The following FOXN3 variants were observed in gnomAD, a reference collection of about 807,000 sequenced individuals.
The protein encoded by FOXN3 is forkhead box N3.
FOXN3 carries 7 observed loss-of-function variants against 38.4 expected under a neutral mutation model. The observed-to-expected ratio is 0.18, with a 90% CI of 0.10 to 0.34. The LOEUF (loss-of-function observed/expected upper bound fraction) is 0.34, where lower values mean the gene tolerates loss of function less well. Among genes scored for constraint, FOXN3 ranks in the 10% least tolerant of loss-of-function variants. The pLI is 1.00. For missense variants in FOXN3, 456 were observed against 613.4 expected, an observed-to-expected ratio of 0.74 and a Z score of 2.71; for synonymous variants, 230 against 242.2, an observed-to-expected ratio of 0.95 and a Z score of 0.47.
intron 3 of FOXN3, among the ~76,000 whole-genome samples, chr14:89,282,131 T>C (rs1349782069): frequency 6.6e-6 from 1 of 152,002 alleles, no homozygotes; most frequent in Non-Finnish European, 1.5e-5. Flanking sequence ...ACAAATAGTA[T>C]GGCAGGTATA....
chr14:89,606,351 T>C (rs1426112226), intron 1 of FOXN3, among the ~76,000 whole-genome samples: 1 of 151,648 alleles, frequency 6.6e-6, no homozygotes, highest in Non-Finnish European at 1.5e-5. Flanking sequence ...TCTAGTCTTA[T>C]ACAGACTATG....
intron 1 of FOXN3, among the ~76,000 whole-genome samples, chr14:89,554,493 G>A (rs1202235293): frequency 2.0e-5 from 3 of 152,058 alleles, no homozygotes; most frequent in African/African-American, 7.2e-5. Context: ...GGTTATATTT[G>A]TTGTTGTTCA....
chr14:89,417,828 G>C (rs977383270), upstream of FOXN3: 1 of 445,374 alleles, frequency 2.2e-6, no homozygotes, highest in African/African-American at 2.0e-5. Context: ...CCAGGTGGCC[G>C]CGTGTCTCCC....
chr14:89,175,330 T>A (rs957703045), intron 5 of FOXN3, among the ~76,000 whole-genome samples: 1 of 152,170 alleles, frequency 6.6e-6, no homozygotes, highest in African/African-American at 2.4e-5. Flanking sequence ...GTAGTCCAGA[T>A]TATGGCCAGC....
rs1382083745 is a variant in FOXN3 at position 89,311,178 on chromosome 14, C to T, written c.681-30164G>A. On this transcript the variant is annotated intron_variant, in intron 3 of 5. Transcript: ENST00000557258. ...TTTAAAAAAAAGATCTTTAAAAATA[C>T]CTTGTATCTTTTAAAAAATAAGGTG... is the stretch of plus-strand genomic sequence containing the variant. 2.1e-5 allele frequency among the ~76,000 whole-genome samples: 3 copies of T among 145,664 alleles called. 1 individual carries two copies. The South Asian group carries it at 6.7e-4, about 33-fold the overall frequency.
chr14:89,352,213 G>C (rs558745710), intron 2 of FOXN3, among the ~76,000 whole-genome samples: 1 of 152,162 alleles, frequency 6.6e-6, no homozygotes, highest in Admixed American at 6.5e-5. Context: ...TTAACCAACC[G>C]GATGTTTAAA....
chr14:89,413,409 G>A (rs1210059385), intron 1 of FOXN3, among the ~76,000 whole-genome samples: 1 of 152,140 alleles, frequency 6.6e-6, no homozygotes, highest in Non-Finnish European at 1.5e-5. Context: ...TGAGGCAGGA[G>A]GATCACTTGA....
intron 4 of FOXN3, among the ~76,000 whole-genome samples, chr14:89,184,476 GA>G (rs1379916615): frequency 6.6e-6 from 1 of 152,248 alleles, no homozygotes; most frequent in African/African-American, 2.4e-5. Flanking sequence ...CAGCAGAGAG[GA>G]AAACTAGGAA....
rs1266740596 is a variant in FOXN3 at position 89,435,806 on chromosome 14, G to A, written c.-14-23316C>T. Among the ~76,000 whole-genome samples the A allele has an allele frequency of 3.3e-5, 5 of 152,206 alleles. No individual in the cohort carries two copies. The East Asian group carries it at 7.7e-4, about 23-fold the overall frequency. On this transcript the variant is annotated intron_variant, in intron 1 of 6. Coordinates refer to the FOXN3 transcript ENST00000345097. ...AAATTAAACCTCTCACAGATTTCCTGTGACACCAGCCTTACAGCAAAGCCT... is the reference window on the plus strand; with the variant it reads ...AAATTAAACCTCTCACAGATTTCCTATGACACCAGCCTTACAGCAAAGCCT...
intron 4 of FOXN3, among the ~76,000 whole-genome samples, chr14:89,194,420 A>C (rs1323920899): frequency 6.6e-6 from 1 of 152,146 alleles, no homozygotes; most frequent in Non-Finnish European, 1.5e-5. Flanking sequence ...CAGACCTAGC[A>C]CTGTAGATCA....
chr14:89,303,515 A>C (rs1296477208), intron 3 of FOXN3, among the ~76,000 whole-genome samples: 2 of 151,482 alleles, frequency 1.3e-5, no homozygotes, highest in East Asian at 3.9e-4. Flanking sequence ...AAAACAAAAA[A>C]AAAACTAGCC....
At chr14:89,182,683 T>C (rs987086532) in intron 4 of FOXN3, among the ~76,000 whole-genome samples, 7 of 152,362 alleles carry the variant, frequency 4.6e-5, no homozygotes, top group Admixed American at 2.6e-4. Flanking sequence ...GAAGAATGTC[T>C]AAAGTTTATA....
At chr14:89,389,314 AAAG>A (rs949017216) in intron 2 of FOXN3, among the ~76,000 whole-genome samples, 5 of 140,806 alleles carry the variant, frequency 3.6e-5, no homozygotes, top group African/African-American at 1.4e-4. Flanking sequence ...AACAAAAAAA[AAAG>A]AAAGATTATA....
At chr14:89,414,536 T>C (rs1891639977) in intron 1 of FOXN3, among the ~76,000 whole-genome samples, 1 of 147,320 alleles carries the variant, frequency 6.8e-6, no homozygotes, top group African/African-American at 2.5e-5. Flanking sequence ...GGAGCTGTGG[T>C]GAGAGGCCCA....
At chr14:89,168,570 T>C (rs977369561) in intron 5 of FOXN3, among the ~76,000 whole-genome samples, 4 of 151,906 alleles carry the variant, frequency 2.6e-5, no homozygotes, top group Non-Finnish European at 2.9e-5. Flanking sequence ...CTACATAAAA[T>C]GCAGCAGAAA....
intron 1 of FOXN3, among the ~76,000 whole-genome samples, chr14:89,540,610 G>A (rs964363816): frequency 6.6e-6 from 1 of 151,950 alleles, no homozygotes; most frequent in Non-Finnish European, 1.5e-5. Flanking sequence ...GTGGTCGCAC[G>A]CACCTGTGGT....
chr14:89,419,395 C>A (rs1891845015), upstream of FOXN3: 3 of 338,886 alleles, frequency 8.9e-6, no homozygotes, highest in Non-Finnish European at 1.8e-5. Context: ...TGTTTGGGAA[C>A]AACCCCATTC....
chr14:89,275,108 A>G (rs1886261944), intron 4 of FOXN3, among the ~76,000 whole-genome samples: 1 of 152,206 alleles, frequency 6.6e-6, no homozygotes, highest in Non-Finnish European at 1.5e-5. Context: ...TGACTCCTAA[A>G]GAGAAGTTAA....
chr14:89,197,485 G>A (rs1017389201), intron 4 of FOXN3, among the ~76,000 whole-genome samples: 8 of 146,250 alleles, frequency 5.5e-5, no homozygotes, highest in African/African-American at 1.8e-4. Context: ...CAGCCTGGGC[G>A]ACAGAGCAAG....
Sources: gnomAD v4.1 joint callset for allele counts (sites outside exome capture counted in the v4.1 genomes callset) on GRCh38, gnomAD v4.1.1 for gene constraint, MANE v1.5 for transcripts, NCBI Gene and HGNC (gene_info 2026-07-23, HGNC 2026-07-21) for gene names.